GABRG3: variants seen among roughly 807,000 people sequenced by gnomAD.
The protein encoded by GABRG3 is gamma-aminobutyric acid receptor subunit gamma-3.
Under a neutral mutation model 48.8 loss-of-function variants are expected in GABRG3, and 25 were observed. The observed-to-expected ratio is 0.51, with a 90% confidence interval of 0.37 to 0.72. The LOEUF (loss-of-function observed/expected upper bound fraction) is 0.72, where lower values mean the gene tolerates loss of function less well. Among genes scored for constraint, GABRG3 ranks in the 30% least tolerant of loss-of-function variants. The pLI is 0.00. For synonymous variants in GABRG3, 227 were observed against 217.6 expected, an observed-to-expected ratio of 1.04 and a Z score of -0.38; for missense variants, 394 against 577.9, an observed-to-expected ratio of 0.68 and a Z score of 3.26.
chr15:27,470,313 T>C (rs1441879953), intron 5 of GABRG3, among the ~76,000 whole-genome samples: 2 of 151,530 alleles, frequency 1.3e-5, no homozygotes, highest in Non-Finnish European at 2.9e-5. Context: ...AACCTCCGCC[T>C]CCTGGGTTCA....
At chr15:27,054,224 G>A (rs1464967736) in intron 3 of GABRG3, among the ~76,000 whole-genome samples, 2 of 151,576 alleles carry the variant, frequency 1.3e-5, no homozygotes, top group Non-Finnish European at 2.9e-5. Context: ...GGGCGAAAGA[G>A]CCAAACTCTA....
intron 7 of GABRG3, among the ~76,000 whole-genome samples, chr15:27,526,724 T>G (rs3101634): frequency 0.63 from 96,423 of 152,032 alleles, 31,970 homozygotes; most frequent in African/African-American, 0.84. Context: ...TAAAATAGTC[T>G]AAGTCAAACC....
At chr15:27,153,372 T>C (rs1898358168) in intron 3 of GABRG3, among the ~76,000 whole-genome samples, 1 of 152,202 alleles carries the variant, frequency 6.6e-6, no homozygotes, top group Admixed American at 6.5e-5. Context: ...CCTCTGACAA[T>C]ATCACACAAT....
intron 3 of GABRG3, among the ~76,000 whole-genome samples, chr15:27,095,128 T>A (rs548203828): frequency 9.8e-5 from 15 of 152,298 alleles, no homozygotes; most frequent in Non-Finnish European, 1.9e-4. Flanking sequence ...GTCAGTTTTT[T>A]AAAAAATGAC....
chr15:27,539,035 C>T lies in GABRG3; in HGVS notation c.*6154C>T, dbSNP rs1456654373. 4 of 152,044 alleles carry T rather than the reference C, an allele frequency of 2.6e-5. No homozygotes were observed. Among genetic ancestry groups the T allele is most frequent in the Non-Finnish European group, 5.9e-5 (4 of 67,996 alleles). The allele number at this position is 152,044 out of a possible 1,614,324, so 9.4% of individuals were successfully genotyped here. A position where few individuals can be genotyped will look rare whatever the true frequency, so the allele number is the denominator to read the frequency against. ...ACTGAAATTCCCATTTTTTGTTAAA[C>T]GTTTTTCCAATACATAGCAATGTGT... On this transcript the variant is annotated 3_prime_UTR_variant, in exon 10 of 10. Transcript: ENST00000615808.
chr15:27,067,480 T>G (rs1168235515), intron 3 of GABRG3, among the ~76,000 whole-genome samples: 1 of 152,126 alleles, frequency 6.6e-6, no homozygotes, highest in African/African-American at 2.4e-5. Context: ...TGTCCCATGC[T>G]CCCCAGGGTG....
intron 5 of GABRG3, among the ~76,000 whole-genome samples, chr15:27,463,102 T>C (rs1245937965): frequency 6.6e-6 from 1 of 152,160 alleles, no homozygotes; most frequent in Admixed American, 6.5e-5. Context: ...AATTAATATA[T>C]GTTTTGAAGT....
chr15:27,327,015 C>A lies in GABRG3; in HGVS notation c.477C>A (p.Ile159=). Residue 159 remains isoleucine (I), a synonymous_variant, in exon 4 of 10, where the codon ATC becomes ATA. Transcript: ENST00000615808. ...QLLRIWNDGK[I]LYTLRLTINA... The stretch of plus-strand genomic sequence containing the variant: ...TCCGGATTTGGAATGACGGGAAAAT[C>A]CTTTACACTTTGAGGTAAGATGCTG... The A allele has an allele frequency of 4.3e-6, 7 of 1,613,562 alleles. No individual in the cohort carries two copies. Among genetic ancestry groups the A allele is most frequent in the Non-Finnish European group, 5.9e-6 (7 of 1,179,630 alleles).
intron 3 of GABRG3, among the ~76,000 whole-genome samples, chr15:27,325,193 C>G (rs1290294961): frequency 6.6e-6 from 1 of 152,216 alleles, no homozygotes; most frequent in Non-Finnish European, 1.5e-5. Flanking sequence ...CACATGCACA[C>G]ACTCACACAC....
At chr15:27,423,523 C>A (rs1428897386) in intron 5 of GABRG3, among the ~76,000 whole-genome samples, 1 of 150,630 alleles carries the variant, frequency 6.6e-6, no homozygotes, top group East Asian at 1.9e-4. Context: ...ATTTACTTCT[C>A]CATTTTCTTG....
At chr15:27,192,965 G>A (rs1468571495) in intron 3 of GABRG3, among the ~76,000 whole-genome samples, 5 of 152,216 alleles carry the variant, frequency 3.3e-5, no homozygotes, top group African/African-American at 9.6e-5. Flanking sequence ...GTCTGTTGGA[G>A]TTTGCTAGAG....
intron 3 of GABRG3, among the ~76,000 whole-genome samples, chr15:27,234,540 T>G (rs1034576979): frequency 1.3e-5 from 2 of 152,276 alleles, no homozygotes; most frequent in African/African-American, 4.8e-5. Flanking sequence ...TGATCTGCCT[T>G]TCTCCTCTTC....
chr15:27,182,773 G>C (rs1385332897), intron 3 of GABRG3, among the ~76,000 whole-genome samples: 1 of 152,156 alleles, frequency 6.6e-6, no homozygotes, highest in Non-Finnish European at 1.5e-5. Context: ...AATTGAAAGG[G>C]CTTCTGCTCG....
At chr15:27,520,842 T>C (rs952919949) in intron 7 of GABRG3, among the ~76,000 whole-genome samples, 3 of 149,744 alleles carry the variant, frequency 2.0e-5, no homozygotes, top group Admixed American at 6.7e-5. Context: ...CAATTTCAAA[T>C]TTCTGCAACA....
At chr15:27,227,570 C>A (rs1734183649) in intron 3 of GABRG3, among the ~76,000 whole-genome samples, 1 of 151,996 alleles carries the variant, frequency 6.6e-6, no homozygotes, top group Non-Finnish European at 1.5e-5. Context: ...ACCTGTAGTC[C>A]TAGCTATTTG....
At chr15:27,413,258 C>T (rs1004223475) in intron 5 of GABRG3, among the ~76,000 whole-genome samples, 1 of 152,090 alleles carries the variant, frequency 6.6e-6, no homozygotes, top group African/African-American at 2.4e-5. Flanking sequence ...GTAATTACAA[C>T]AAGTCTACCA....
intron 5 of GABRG3, among the ~76,000 whole-genome samples, chr15:27,432,971 C>T (rs1377697064): frequency 6.6e-6 from 1 of 152,226 alleles, no homozygotes; most frequent in Non-Finnish European, 1.5e-5. Context: ...ACATGTTCTT[C>T]ATCTCTTTCT....
chr15:27,086,967 C>T (rs1296110057), intron 3 of GABRG3, among the ~76,000 whole-genome samples: 6 of 152,170 alleles, frequency 3.9e-5, no homozygotes, highest in Non-Finnish European at 8.8e-5. Context: ...CCCAGACTTC[C>T]GTTTCCAGAA....
At chr15:27,346,376 G>A (rs1200226271) in intron 5 of GABRG3, among the ~76,000 whole-genome samples, 2 of 152,126 alleles carry the variant, frequency 1.3e-5, no homozygotes, top group Non-Finnish European at 2.9e-5. Flanking sequence ...TTCCTGCAGT[G>A]TGAATATGGT....
Sources: allele counts gnomAD v4.1 joint callset (sites outside exome capture counted in the v4.1 genomes callset), GRCh38; gene constraint gnomAD v4.1.1; transcripts MANE v1.5; gene names NCBI Gene and HGNC (gene_info 2026-07-23, HGNC 2026-07-21).